The following NPNT variants were observed in gnomAD, a reference collection of about 807,000 sequenced individuals.
NPNT encodes preosteoblast EGF-like repeat protein with MAM domain.
A neutral mutation model predicts 68.6 loss-of-function variants in NPNT; 45 were observed. That is an observed-to-expected ratio of 0.66 (90% CI 0.52 to 0.84). The LOEUF (loss-of-function observed/expected upper bound fraction) is 0.84, where lower values mean the gene tolerates loss of function less well. NPNT is among the 40% of genes least tolerant of loss of function. The probability of loss-of-function intolerance (pLI) is 0.00; values close to 1 mark genes in which losing one functional copy is unlikely to be tolerated. For missense variants in NPNT, 672 were observed against 714.8 expected (o/e 0.94, Z 0.68); for synonymous variants, 233 against 253.3 (o/e 0.92, Z 0.76).
intron 2 of NPNT, among the ~76,000 whole-genome samples, chr4:105,898,428 C>G (rs749386880): frequency 1.4e-5 from 2 of 145,488 alleles, no homozygotes; most frequent in African/African-American, 5.1e-5. Flanking sequence ...GATAATGAGT[C>G]TAGACCGTAT....
chr4:105,895,651 A>G lies in NPNT; in HGVS notation c.-2A>G, dbSNP rs1031112424. ...GCTGCGCCCCAGGACCCGCTGCCCAACATGGATTTTCTCCTGGCGCTGGTG... is the reference window on the plus strand; with the variant it reads ...GCTGCGCCCCAGGACCCGCTGCCCAGCATGGATTTTCTCCTGGCGCTGGTG... On this transcript the variant is annotated 5_prime_UTR_variant, in exon 1 of 12. Coordinates refer to ENST00000379987, the MANE Select transcript of NPNT (RefSeq NM_001033047.3). The G allele has an allele frequency of 1.5e-5, 24 of 1,550,464 alleles. No individual in the cohort carries two copies. The highest frequency in any genetic ancestry group is 1.9e-5 in the Non-Finnish European group (22 of 1,147,014).
chr4:105,932,857 G>T, intron 3 of NPNT: 2 of 558,938 alleles, frequency 3.6e-6, no homozygotes, highest in East Asian at 3.0e-5. Context: ...ACCTGGTGCT[G>T]ATTCTCTGTG....
chr4:105,930,041 G>A (rs1258208202), intron 3 of NPNT, among the ~76,000 whole-genome samples: 3 of 152,188 alleles, frequency 2.0e-5, no homozygotes, highest in African/African-American at 7.2e-5. Context: ...AAATAGTGCT[G>A]ACACTGAAAA....
Position 105,927,396 on chromosome 4 carries a change from A to G in NPNT, c.233A>G (p.His78Arg). 2 of 1,612,732 alleles carry G rather than the reference A, an allele frequency of 1.2e-6. No homozygotes were observed. Among genetic ancestry groups the G allele is most frequent in the South Asian group, 1.1e-5 (1 of 91,010 alleles). Residue 78 changes from histidine (H) to arginine (R), a missense_variant, in exon 3 of 12, where the codon CAT becomes CGT. Transcript: ENST00000379987. Reference sequence around the variant, plus strand: ...ATCGGGCCAAACAAGTGCAAGTGTCATCCTGGTTATGCTGGAAAAACCTGT... The same window carrying G: ...ATCGGGCCAAACAAGTGCAAGTGTCGTCCTGGTTATGCTGGAAAAACCTGT... ...ECIGPNKCKC[H>R]PGYAGKTCNQ... is the part of the protein sequence containing the mutation.
intron 4 of NPNT, 111 bp from the exon 5 acceptor site, chr4:105,938,190 C>G: frequency 1.0e-6 from 1 of 1,002,848 alleles, no homozygotes; most frequent in Non-Finnish European, 1.5e-6. Context: ...GCCTCTTTGT[C>G]TTCATTGTTG....
intron 3 of NPNT, among the ~76,000 whole-genome samples, chr4:105,935,499 G>T (rs1358796115): frequency 6.6e-6 from 1 of 152,126 alleles, no homozygotes; most frequent in Non-Finnish European, 1.5e-5. Context: ...CTTGATTTTT[G>T]CTTCAATTAA....
At chr4:105,968,560 G>T (rs76586029) in intron 11 of NPNT, among the ~76,000 whole-genome samples, 2 of 152,290 alleles carry the variant, frequency 1.3e-5, no homozygotes, top group East Asian at 3.9e-4. Context: ...CCTAATATCT[G>T]TTCCTTTATA....
intron 2 of NPNT, among the ~76,000 whole-genome samples, chr4:105,915,082 A>G (rs1727692672): frequency 6.6e-6 from 1 of 152,182 alleles, no homozygotes; most frequent in Admixed American, 6.5e-5. Flanking sequence ...TGTAGTTGTC[A>G]GTGTCTCACA....
chr4:105,961,420 C>A lies in NPNT; in HGVS notation c.1345+2294C>A, dbSNP rs921212903. Among the ~76,000 whole-genome samples the A allele has an allele frequency of 4.6e-5, 7 of 152,240 alleles. No individual in the cohort carries two copies. The East Asian group carries it at 5.8e-4, about 13-fold the overall frequency. ...ATATTTATGGTCATAATGAATGATT[C>A]CTTCAAGTAAGTTACACTGGGGAGA... On this transcript the variant is annotated intron_variant, in intron 10 of 11. Transcript: ENST00000379987.
chr4:105,897,805 G>A (rs1725987003), intron 1 of NPNT, 96 bp from the exon 2 acceptor site: 1 of 921,056 alleles, frequency 1.1e-6, no homozygotes, highest in Non-Finnish European at 1.7e-6. Context: ...AAAATTGTTG[G>A]GTGTGGTTGA....
At chr4:105,941,084 A>T (rs1424125354) in intron 7 of NPNT, among the ~76,000 whole-genome samples, 1 of 152,140 alleles carries the variant, frequency 6.6e-6, no homozygotes, top group Non-Finnish European at 1.5e-5. Context: ...CATGCCTGTA[A>T]TCCTAGCACT....
chr4:105,932,763 T>C (rs1729216502), intron 3 of NPNT: 6 of 1,130,118 alleles, frequency 5.3e-6, no homozygotes, highest in Admixed American at 2.0e-5. Context: ...CCTGCAGTTA[T>C]GTCACTTCTT....
chr4:105,968,870 A>T, intron 11 of NPNT, 25 bp from the exon 12 acceptor site: 1 of 1,418,676 alleles, frequency 7.0e-7, no homozygotes, highest in Non-Finnish European at 1.0e-6. Context: ...AGGAGGCTTG[A>T]CTGGTGTGTG....
chr4:105,939,774 G>A (rs1324360058), intron 5 of NPNT, among the ~76,000 whole-genome samples: 2 of 152,114 alleles, frequency 1.3e-5, no homozygotes, highest in Non-Finnish European at 2.9e-5. Flanking sequence ...GGGAGTTAAA[G>A]GAAAGAGGGT....
intron 8 of NPNT, among the ~76,000 whole-genome samples, chr4:105,944,679 AATGCCAAGGCTGTTGC>A (rs1730241692): frequency 6.6e-6 from 1 of 152,204 alleles, no homozygotes; most frequent in Non-Finnish European, 1.5e-5. Flanking sequence ...GCCTTGATCA[AATGCCAAGGCTGTTGC>A]ATGCCACAGA....
At chr4:105,948,116 G>A (rs1730528725) in intron 8 of NPNT, among the ~76,000 whole-genome samples, 1 of 151,580 alleles carries the variant, frequency 6.6e-6, no homozygotes, top group Admixed American at 6.6e-5. Flanking sequence ...TCAGATTATG[G>A]TTTTTTTTCT....
intron 1 of NPNT, 177 bp downstream of exon 1, chr4:105,895,900 C>G (rs766707149): frequency 1.7e-6 from 1 of 599,792 alleles, no homozygotes; most frequent in Non-Finnish European, 2.9e-6. Context: ...AGTGCCCGCC[C>G]GAGGCGGAGA....
chr4:105,960,080 G>T (rs1047043310), intron 10 of NPNT, among the ~76,000 whole-genome samples: 1 of 152,156 alleles, frequency 6.6e-6, no homozygotes, highest in Non-Finnish European at 1.5e-5. Flanking sequence ...AAAGTGCTGG[G>T]ATTACAGGCG....
At chr4:105,923,890 A>G (rs1728466103) in intron 2 of NPNT, among the ~76,000 whole-genome samples, 1 of 152,216 alleles carries the variant, frequency 6.6e-6, no homozygotes, top group Non-Finnish European at 1.5e-5. Flanking sequence ...ATATTAAAGC[A>G]GAAGGGAAAG....
Sources: gnomAD v4.1 joint callset for allele counts (sites outside exome capture counted in the v4.1 genomes callset) on GRCh38, gnomAD v4.1.1 for gene constraint, MANE v1.5 for transcripts, NCBI Gene and HGNC (gene_info 2026-07-23, HGNC 2026-07-21) for gene names.